DAAM2: variants seen among roughly 807,000 people sequenced by gnomAD.
The protein encoded by DAAM2 is disheveled-associated activator of morphogenesis 2.
Under a neutral mutation model 120.7 loss-of-function variants are expected in DAAM2, and 39 were observed. The observed-to-expected ratio is 0.32, with a 90% CI of 0.25 to 0.42. DAAM2 has a LOEUF of 0.42. DAAM2 is among the 10% of genes least tolerant of loss of function. DAAM2 has a pLI of 1.00. For synonymous variants in DAAM2, 488 were observed against 524.9 expected (o/e 0.93, Z 0.96); for missense variants, 1,283 against 1,401.7 (o/e 0.92, Z 1.35).
At chr6:39,855,663 T>C (rs999476611) in intron 1 of DAAM2, among the ~76,000 whole-genome samples, 1 of 152,200 alleles carries the variant, frequency 6.6e-6, no homozygotes, top group African/African-American at 2.4e-5. Flanking sequence ...TACAGAAAAC[T>C]GAGCACAAAA....
At chr6:39,848,948 A>G (rs1398222048) in intron 1 of DAAM2, 4 of 152,250 alleles carry the variant, frequency 2.6e-5, no homozygotes, top group Non-Finnish European at 5.9e-5. Context: ...TAGGTGCTCA[A>G]TAAATAATTA....
At chr6:39,810,115 C>A (rs574835526) in intron 1 of DAAM2, among the ~76,000 whole-genome samples, 1 of 152,174 alleles carries the variant, frequency 6.6e-6, no homozygotes, top group Admixed American at 6.5e-5. Flanking sequence ...ATAAGCTTCT[C>A]GGAAAGTCCT....
intron 3 of DAAM2, among the ~76,000 whole-genome samples, chr6:39,863,886 C>T (rs993316341): frequency 6.6e-6 from 1 of 152,044 alleles, no homozygotes; most frequent in African/African-American, 2.4e-5. Context: ...AAGCCCAAAG[C>T]CTTGGAAATT....
In DAAM2 at chr6:39,867,829, C is replaced by A. The variant is rs1764494165; in HGVS notation, c.748C>A (p.Arg250=). 2 of 1,591,532 alleles carry A rather than the reference C, an allele frequency of 1.3e-6. No homozygotes were observed. The highest frequency in any genetic ancestry group is 8.5e-7 in the Non-Finnish European group (1 of 1,169,730). ...MLHYQVYAAE[R]TRFQTLLNEL... Reference sequence around the variant, plus strand: ...GCACTACCAGGTGTATGCAGCAGAGCGAACCCGCTTCCAGGTGAGGGGCCA... The same window carrying A: ...GCACTACCAGGTGTATGCAGCAGAGAGAACCCGCTTCCAGGTGAGGGGCCA... The change falls in exon 6 of 25, where the codon CGA becomes AGA. Residue 250 remains arginine (R), a synonymous_variant. Coordinates refer to ENST00000274867, the MANE Select transcript of DAAM2 (RefSeq NM_001201427.2).
chr6:39,904,816 T>C lies in DAAM2; in HGVS notation c.*2779T>C, dbSNP rs944522117. The C allele has an allele frequency of 2.2e-6, 1 of 454,140 alleles. No homozygotes were observed. Among genetic ancestry groups the C allele is most frequent in the Non-Finnish European group, 4.4e-6 (1 of 226,808 alleles). 28.1% of individuals were successfully genotyped at this position (454,140 alleles called of 1,614,324 possible). A position where few individuals can be genotyped will look rare whatever the true frequency, so the allele number is the denominator to read the frequency against. ...TGTCCTTTTTCACTTGCACCTTTTT[T>C]ATAAGAATATATTGTAATACTAAAA... On this transcript the variant is annotated 3_prime_UTR_variant, in exon 25 of 25. Coordinates refer to ENST00000274867, the MANE Select transcript of DAAM2 (RefSeq NM_001201427.2).
chr6:39,819,894 C>T (rs1035608857), intron 1 of DAAM2: 1 of 152,228 alleles, frequency 6.6e-6, no homozygotes, highest in African/African-American at 2.4e-5. Flanking sequence ...AATCATATCC[C>T]GAAGGCCCCG....
chr6:39,855,401 C>T (rs935264942), intron 1 of DAAM2, among the ~76,000 whole-genome samples: 29 of 152,196 alleles, frequency 1.9e-4, no homozygotes, highest in African/African-American at 5.5e-4. Context: ...AGCTGTTAAA[C>T]GTCCATCAGT....
chr6:39,820,623 A>C (rs965261118), intron 1 of DAAM2: 3 of 152,218 alleles, frequency 2.0e-5, no homozygotes, highest in African/African-American at 4.8e-5. Context: ...GAAAATACTA[A>C]AAACTATAAA....
chr6:39,835,465 A>G (rs1763067524), intron 1 of DAAM2, among the ~76,000 whole-genome samples: 1 of 152,152 alleles, frequency 6.6e-6, no homozygotes, highest in South Asian at 2.1e-4. Context: ...CCTTATGACA[A>G]TGTGAGCTCC....
At chr6:39,829,530 G>A (rs1762801766) in intron 1 of DAAM2, among the ~76,000 whole-genome samples, 1 of 152,198 alleles carries the variant, frequency 6.6e-6, no homozygotes, top group African/African-American at 2.4e-5. Context: ...ACCAGTTGGA[G>A]AGTTTATAGC....
At chr6:39,818,945 A>G (rs1378411154) in intron 1 of DAAM2, 1 of 152,084 alleles carries the variant, frequency 6.6e-6, no homozygotes, top group African/African-American at 2.4e-5. Context: ...TCTGGCTCTG[A>G]CATTCTGTGT....
At chr6:39,826,354 C>A (rs1291252144) in intron 1 of DAAM2, among the ~76,000 whole-genome samples, 1 of 152,112 alleles carries the variant, frequency 6.6e-6, no homozygotes, top group Non-Finnish European at 1.5e-5. Flanking sequence ...ATTCACAGCA[C>A]AATCCCAAAG....
intron 2 of DAAM2, among the ~76,000 whole-genome samples, chr6:39,858,420 G>C (rs1003073523): frequency 2.6e-5 from 4 of 152,178 alleles, no homozygotes; most frequent in Admixed American, 2.0e-4. Context: ...AGCTGTTTAG[G>C]AGGAAAGATA....
In DAAM2 at chr6:39,878,619, G is replaced by C; in HGVS notation, c.1545+31G>C. On this transcript the variant is annotated intron_variant, in intron 13 of 24. Coordinates refer to ENST00000274867, the MANE Select transcript of DAAM2 (RefSeq NM_001201427.2). The surrounding 1 kb of genome is among the most constrained non-coding windows in gnomAD (Gnocchi z 5.0). ...CAAGCATCTCCCCCTTTACATAGTT[G>C]AGCCAAGACCCTGGGCTTCAGGACT... 6.3e-7 allele frequency: 1 copy of C among 1,575,016 alleles called. No homozygotes were observed. Among genetic ancestry groups the C allele is most frequent in the Non-Finnish European group, 8.6e-7 (1 of 1,160,736 alleles).
chr6:39,857,948 G>A (rs1166257350), intron 2 of DAAM2, among the ~76,000 whole-genome samples: 1 of 152,038 alleles, frequency 6.6e-6, no homozygotes, highest in Non-Finnish European at 1.5e-5. Flanking sequence ...CTAGGACAGG[G>A]AGCATTCTGG....
intron 3 of DAAM2, chr6:39,861,543 G>A: frequency 4.3e-6 from 1 of 230,418 alleles, no homozygotes; most frequent in Non-Finnish European, 8.8e-6. Flanking sequence ...GGGGTATGCT[G>A]AGCTCCAGTG....
At chr6:39,836,711 G>A (rs1218402336) in intron 1 of DAAM2, among the ~76,000 whole-genome samples, 1 of 152,186 alleles carries the variant, frequency 6.6e-6, no homozygotes, top group Non-Finnish European at 1.5e-5. Context: ...AGAACGGCTG[G>A]TTTGGCTGAT....
At chr6:39,817,835 C>G (rs551259917) in intron 1 of DAAM2, among the ~76,000 whole-genome samples, 6 of 152,206 alleles carry the variant, frequency 3.9e-5, no homozygotes, top group Non-Finnish European at 4.4e-5. Flanking sequence ...GGAGGGTAAT[C>G]TGCTTTACTC....
intron 1 of DAAM2, among the ~76,000 whole-genome samples, chr6:39,855,410 G>A (rs1245720726): frequency 6.6e-6 from 1 of 152,168 alleles, no homozygotes. Flanking sequence ...ACGTCCATCA[G>A]TTCTGGTCTC....
Sources: allele counts gnomAD v4.1 joint callset (sites outside exome capture counted in the v4.1 genomes callset), GRCh38; gene constraint gnomAD v4.1.1; non-coding constraint Gnocchi (gnomAD v3.1); transcripts MANE v1.5; gene names NCBI Gene and HGNC (gene_info 2026-07-23, HGNC 2026-07-21).